Variants in ELAVL2 observed in about 807,000 individuals in gnomAD.
ELAVL2 encodes ELAV-like protein 2.
In ELAVL2, 4 loss-of-function variants were observed where a neutral mutation model predicts 34.6. The observed-to-expected ratio is 0.12, with a 90% CI of 0.06 to 0.26. ELAVL2 has a LOEUF of 0.26. ELAVL2 is among the 10% of genes least tolerant of loss of function. The probability of loss-of-function intolerance (pLI) is 1.00; values close to 1 mark genes in which losing one functional copy is unlikely to be tolerated. For missense variants in ELAVL2, 432 were observed against 442.8 expected, an observed-to-expected ratio of 0.98 and a Z score of 0.22; for synonymous variants, 193 against 154.8, an observed-to-expected ratio of 1.25 and a Z score of -1.83.
At chr9:23,800,754 T>G (rs1337384430) in intron 1 of ELAVL2, among the ~76,000 whole-genome samples, 2 of 152,222 alleles carry the variant, frequency 1.3e-5, no homozygotes, top group African/African-American at 4.8e-5. Context: ...ACTTTAAATT[T>G]AGTTTGGGAA....
At chr9:23,714,414 T>C (rs1197288610) in intron 3 of ELAVL2, among the ~76,000 whole-genome samples, 1 of 152,212 alleles carries the variant, frequency 6.6e-6, no homozygotes, top group Non-Finnish European at 1.5e-5. Context: ...CCAAATATTT[T>C]GTAAGATGAC....
At chr9:23,824,480 A>G (rs1236436923) in intron 1 of ELAVL2, among the ~76,000 whole-genome samples, 1 of 152,096 alleles carries the variant, frequency 6.6e-6, no homozygotes, top group East Asian at 1.9e-4. Context: ...GTGAGGAGCA[A>G]CGAGACGTTA....
At position 23,701,539 on chromosome 9, in the gene ELAVL2, C is replaced by G. The variant is rs2037221748; in HGVS notation, c.553G>C (p.Gly185Arg). The G allele has an allele frequency of 6.2e-7, 1 of 1,613,958 alleles. No individual in the cohort carries two copies. The highest frequency in any genetic ancestry group is 1.3e-5 in the African/African-American group (1 of 74,910). The change falls in exon 5 of 7, where the codon GGC (glycine) becomes CGC (arginine). Residue 185 changes from glycine to arginine, a missense_variant. Transcript: ENST00000397312. ...CCGGGAGGTTTCTGGCCATTTAGGC[C>G]TTTGATAGCTTCTTCTGCCTCAATT... ...KRIEAEEAIK[G>R]LNGQKPPGAT...
At position 23,811,675 on chromosome 9, in the gene ELAVL2, T is replaced by C. The variant is rs995136363; in HGVS notation, c.-16+14131A>G. Among the ~76,000 whole-genome samples the C allele has an allele frequency of 6.6e-5, 10 of 152,308 alleles. No homozygotes were observed. In the Middle Eastern group the frequency reaches 0.01, roughly 155 times the overall value. Reference sequence around the variant, plus strand: ...CAGAGGAGGCTGCTGGCACATAATGTTGTCAACAGAATAAAACTCTGGGGG... The same window carrying C: ...CAGAGGAGGCTGCTGGCACATAATGCTGTCAACAGAATAAAACTCTGGGGG... On this transcript the variant is annotated intron_variant, in intron 1 of 6. Transcript: ENST00000397312.
chr9:23,778,332 A>G (rs1018094975), intron 1 of ELAVL2, among the ~76,000 whole-genome samples: 2 of 152,214 alleles, frequency 1.3e-5, no homozygotes, highest in Non-Finnish European at 2.9e-5. Flanking sequence ...TTTAGCCTGA[A>G]AACATGTTAC....
chr9:23,700,625 G>T (rs996266218), intron 5 of ELAVL2, among the ~76,000 whole-genome samples: 1 of 152,044 alleles, frequency 6.6e-6, no homozygotes, highest in Non-Finnish European at 1.5e-5. Context: ...ATTTTTAACA[G>T]GTTGTTTAAA....
At chr9:23,752,729 A>C (rs1298111389) in intron 2 of ELAVL2, among the ~76,000 whole-genome samples, 1 of 152,180 alleles carries the variant, frequency 6.6e-6, no homozygotes, top group African/African-American at 2.4e-5. Context: ...TGCTGGAATT[A>C]CAGGCATGAG....
intron 2 of ELAVL2, among the ~76,000 whole-genome samples, chr9:23,749,457 G>A (rs959761118): frequency 3.9e-5 from 6 of 151,982 alleles, no homozygotes; most frequent in Admixed American, 1.3e-4. Flanking sequence ...GAGTCTTACC[G>A]GTAAAATTAA....
chr9:23,776,918 G>C (rs2058295793), intron 1 of ELAVL2, among the ~76,000 whole-genome samples: 1 of 152,078 alleles, frequency 6.6e-6, no homozygotes, highest in Admixed American at 6.5e-5. Flanking sequence ...GAACATTAAA[G>C]TGGACTTCTG....
chr9:23,730,218 A>G (rs1440431477), intron 3 of ELAVL2, among the ~76,000 whole-genome samples: 5 of 152,178 alleles, frequency 3.3e-5, no homozygotes, highest in African/African-American at 7.2e-5. Context: ...AAAGAAATCT[A>G]TGCTGTGAAT....
intron 5 of ELAVL2, among the ~76,000 whole-genome samples, chr9:23,698,857 C>A (rs922624740): frequency 2.0e-5 from 3 of 152,154 alleles, no homozygotes; most frequent in Admixed American, 1.3e-4. Flanking sequence ...TCTTCCAACA[C>A]ACCCAATCTA....
intron 2 of ELAVL2, among the ~76,000 whole-genome samples, chr9:23,732,719 C>T (rs556264406): frequency 1.3e-5 from 2 of 152,210 alleles, no homozygotes; most frequent in Admixed American, 6.5e-5. Context: ...CTTCCAATAC[C>T]GGCTCTGGTG....
At chr9:23,698,856 ACACC>A (rs1403313821) in intron 5 of ELAVL2, among the ~76,000 whole-genome samples, 1 of 152,206 alleles carries the variant, frequency 6.6e-6, no homozygotes, top group African/African-American at 2.4e-5. Context: ...TTCTTCCAAC[ACACC>A]CAATCTAGAT....
intron 2 of ELAVL2, among the ~76,000 whole-genome samples, chr9:23,759,754 TTATATATA>T (rs774471922): frequency 0.04 from 3,263 of 81,334 alleles, 197 homozygotes; most frequent in African/African-American, 0.12. Flanking sequence ...ATATATAGTA[TTATATATA>T]TATATATATA....
At chr9:23,782,833 C>A (rs2059238693) in intron 1 of ELAVL2, among the ~76,000 whole-genome samples, 1 of 152,142 alleles carries the variant, frequency 6.6e-6, no homozygotes. Flanking sequence ...CAGACTTGGG[C>A]CCGATGTGGA....
chr9:23,822,448 T>C (rs916430955), intron 1 of ELAVL2, among the ~76,000 whole-genome samples: 1 of 152,104 alleles, frequency 6.6e-6, no homozygotes, highest in African/African-American at 2.4e-5. Context: ...AGCCGCATCC[T>C]TCTATCGCCC....
In ELAVL2 at chr9:23,692,552, G is replaced by A. The variant is rs1174236737; in HGVS notation, c.*5C>T. The A allele has an allele frequency of 6.2e-7, 1 of 1,608,152 alleles. No individual in the cohort carries two copies. Among genetic ancestry groups the A allele is most frequent in the Non-Finnish European group, 8.5e-7 (1 of 1,175,738 alleles). Reference sequence around the variant, plus strand: ...ATATATAAATGGACTGAGGACAAGAGCTCATTAGGCTTTGTGCGTTTTGTT... The same window carrying A: ...ATATATAAATGGACTGAGGACAAGAACTCATTAGGCTTTGTGCGTTTTGTT... On this transcript the variant is annotated 3_prime_UTR_variant, in exon 7 of 7. Transcript: ENST00000397312.
intron 2 of ELAVL2, among the ~76,000 whole-genome samples, chr9:23,748,984 G>T (rs764488856): frequency 6.6e-6 from 1 of 152,102 alleles, no homozygotes; most frequent in African/African-American, 2.4e-5. Context: ...AGCAAAGGAG[G>T]TGGGTGAGGA....
At chr9:23,787,714 A>G (rs945439404) in intron 1 of ELAVL2, among the ~76,000 whole-genome samples, 6 of 152,156 alleles carry the variant, frequency 3.9e-5, no homozygotes, top group Non-Finnish European at 7.3e-5. Flanking sequence ...GACCAATTAA[A>G]TAAGAATCTC....
Sources: allele counts gnomAD v4.1 joint callset (sites outside exome capture counted in the v4.1 genomes callset), GRCh38; gene constraint gnomAD v4.1.1; transcripts MANE v1.5; gene names NCBI Gene and HGNC (gene_info 2026-07-23, HGNC 2026-07-21).